The following MDGA2 variants were observed in gnomAD, a reference collection of about 807,000 sequenced individuals.
MDGA2 encodes the protein MAM domain containing glycosylphosphatidylinositol anchor 2, also known as MAM domain-containing glycosylphosphatidylinositol anchor protein 2.
MDGA2 carries 40 observed loss-of-function variants against 117.8 expected under a neutral mutation model. That is an observed-to-expected ratio of 0.34 (90% CI 0.26 to 0.44). The LOEUF is 0.44. Ranked by LOEUF, MDGA2 falls within the 20% of genes least tolerant of loss-of-function variation. The pLI is 1.00. For synonymous variants in MDGA2, 452 were observed against 439.0 expected, an observed-to-expected ratio of 1.03 and a Z score of -0.37; for missense variants, 1,123 against 1,250.6, an observed-to-expected ratio of 0.90 and a Z score of 1.54.
intron 1 of MDGA2, among the ~76,000 whole-genome samples, chr14:47,603,290 C>A (rs1253912687): frequency 6.6e-6 from 1 of 152,130 alleles, no homozygotes; most frequent in African/African-American, 2.4e-5. Context: ...ATTAATGAAA[C>A]TATCGGATTT....
At chr14:46,966,346 G>A (rs1239778837) in intron 8 of MDGA2, among the ~76,000 whole-genome samples, 1 of 152,072 alleles carries the variant, frequency 6.6e-6, no homozygotes, top group African/African-American at 2.4e-5. Context: ...ACTACCAGTG[G>A]TTCATGAATT....
At chr14:46,952,615 C>T (rs567655136) in intron 9 of MDGA2, among the ~76,000 whole-genome samples, 1 of 152,012 alleles carries the variant, frequency 6.6e-6, no homozygotes, top group East Asian at 1.9e-4. Context: ...ACAGCCTGCA[C>T]CTTTCTATTT....
intron 1 of MDGA2, among the ~76,000 whole-genome samples, chr14:47,544,499 ACT>A (rs1196668248): frequency 2.0e-5 from 3 of 152,074 alleles, no homozygotes; most frequent in African/African-American, 7.2e-5. Context: ...CAAGCCTAAT[ACT>A]CCCCTCTCCA....
intron 1 of MDGA2, among the ~76,000 whole-genome samples, chr14:47,378,839 A>G (rs917852291): frequency 1.3e-5 from 2 of 152,210 alleles, no homozygotes; most frequent in Non-Finnish European, 2.9e-5. Flanking sequence ...AAGGGAGGCC[A>G]ACATTCAAAT....
chr14:46,981,523 G>T (rs1039136579), intron 8 of MDGA2, among the ~76,000 whole-genome samples: 1 of 152,002 alleles, frequency 6.6e-6, no homozygotes, highest in Non-Finnish European at 1.5e-5. Flanking sequence ...CTTTTCATAG[G>T]GCTTATGGCT....
chr14:47,509,753 T>A (rs1032974776), intron 1 of MDGA2, among the ~76,000 whole-genome samples: 2 of 152,222 alleles, frequency 1.3e-5, no homozygotes, highest in Admixed American at 6.5e-5. Context: ...TCTATCCCCC[T>A]TTTGGACAGG....
At chr14:47,666,559 C>A (rs446033) in intron 1 of MDGA2, among the ~76,000 whole-genome samples, 1 of 152,132 alleles carries the variant, frequency 6.6e-6, no homozygotes, top group African/African-American at 2.4e-5. Context: ...TTTAAACGCA[C>A]CAATCAAGCA....
chr14:47,092,910 A>C (rs1952221), intron 6 of MDGA2, among the ~76,000 whole-genome samples: 54,641 of 151,876 alleles, frequency 0.36, 10,113 homozygotes, highest in East Asian at 0.52. Flanking sequence ...GGAAACGCCC[A>C]TCACTGGACA....
chr14:46,943,641 C>T (rs575091147), intron 9 of MDGA2, among the ~76,000 whole-genome samples: 2 of 152,154 alleles, frequency 1.3e-5, no homozygotes, highest in South Asian at 4.1e-4. Context: ...TCTCACTTCC[C>T]ACATCACAAA....
Position 46,855,112 on chromosome 14 carries a change from A to T in MDGA2, c.2795T>A (p.Ile932Lys). ...ACTTGAAGACCACAGTGGATTCTCT[A>T]TTGTTGTTTGCCCTTTCAAACGTAG... ...VYLRLKGQTT[I>K]ENPLWSSSGN... is the part of the protein sequence containing the mutation. The change falls in exon 15 of 17, where the codon ATA becomes AAA. Residue 932 changes from isoleucine to lysine, a missense_variant. Transcript: ENST00000399232. This position sits in a 1 kb window ranked among gnomAD's most constrained non-coding sequence, Gnocchi z 4.1. 6.2e-7 allele frequency: 1 copy of T among 1,610,988 alleles called. No homozygotes were observed. Among genetic ancestry groups the T allele is most frequent in the South Asian group, 1.1e-5 (1 of 90,774 alleles).
chr14:47,613,479 T>TCTCTCA (rs1023859588), intron 1 of MDGA2, among the ~76,000 whole-genome samples: 34 of 141,168 alleles, frequency 2.4e-4, no homozygotes, highest in Admixed American at 1.4e-4. Flanking sequence ...TCTCTCTCTC[T>TCTCTCA]CACACACACA....
intron 1 of MDGA2, among the ~76,000 whole-genome samples, chr14:47,420,642 A>G (rs959633449): frequency 2.0e-5 from 3 of 152,092 alleles, no homozygotes; most frequent in Non-Finnish European, 2.9e-5. Flanking sequence ...AGCTCTGAGC[A>G]CTGTAGGACT....
At chr14:47,270,973 G>T (rs1281108769) in intron 2 of MDGA2, among the ~76,000 whole-genome samples, 1 of 152,136 alleles carries the variant, frequency 6.6e-6, no homozygotes, top group East Asian at 1.9e-4. Flanking sequence ...GCTTTCCAGG[G>T]AAAGTTAAAA....
At chr14:47,596,934 A>G (rs1161674717) in intron 1 of MDGA2, among the ~76,000 whole-genome samples, 1 of 152,170 alleles carries the variant, frequency 6.6e-6, no homozygotes, top group African/African-American at 2.4e-5. Context: ...ATCCTGGTAG[A>G]TAAGCCCATT....
intron 7 of MDGA2, among the ~76,000 whole-genome samples, chr14:47,056,780 C>CGATT (rs1340326300): frequency 1.1e-4 from 17 of 152,062 alleles, no homozygotes; most frequent in Admixed American, 1.1e-3. Flanking sequence ...TGCTGTATAA[C>CGATT]GATTATATTT....
chr14:47,524,648 AATAT>A (rs1894934997), intron 1 of MDGA2, among the ~76,000 whole-genome samples: 1 of 152,228 alleles, frequency 6.6e-6, no homozygotes, highest in African/African-American at 2.4e-5. Context: ...CCATTTTAAT[AATAT>A]ATGTCCTGTC....
intron 5 of MDGA2, among the ~76,000 whole-genome samples, chr14:47,099,059 A>T (rs1880149145): frequency 6.6e-6 from 1 of 151,958 alleles, no homozygotes; most frequent in African/African-American, 2.4e-5. Flanking sequence ...GAAACACAGT[A>T]TTGCTCAAGT....
intron 3 of MDGA2, among the ~76,000 whole-genome samples, chr14:47,212,737 G>A (rs1885931250): frequency 6.6e-6 from 1 of 152,108 alleles, no homozygotes; most frequent in African/African-American, 2.4e-5. Flanking sequence ...GACTATGCAA[G>A]CGATCTTTAC....
intron 3 of MDGA2, among the ~76,000 whole-genome samples, chr14:47,211,611 A>G (rs1885886823): frequency 6.6e-6 from 1 of 152,154 alleles, no homozygotes; most frequent in African/African-American, 2.4e-5. Context: ...CCTGGTCAGG[A>G]AACAAATCTG....
Sources: allele counts gnomAD v4.1 joint callset (sites outside exome capture counted in the v4.1 genomes callset), GRCh38; gene constraint gnomAD v4.1.1; non-coding constraint Gnocchi (gnomAD v3.1); transcripts MANE v1.5; gene names NCBI Gene and HGNC (gene_info 2026-07-23, HGNC 2026-07-21).